The following MAML3 variants were observed in gnomAD, a reference collection of about 807,000 sequenced individuals.
The protein encoded by MAML3 is mastermind-like protein 3.
In MAML3, 27 loss-of-function variants were observed where a neutral mutation model predicts 101.9. That is an observed-to-expected ratio of 0.27 (90% CI 0.20 to 0.37). The LOEUF (loss-of-function observed/expected upper bound fraction) is 0.37, where lower values mean the gene tolerates loss of function less well. Among genes scored for constraint, MAML3 ranks in the 10% least tolerant of loss-of-function variants. MAML3 has a pLI of 1.00. For synonymous variants in MAML3, 501 were observed against 555.9 expected, an observed-to-expected ratio of 0.90 and a Z score of 1.39; for missense variants, 1,316 against 1,444.9, an observed-to-expected ratio of 0.91 and a Z score of 1.45.
chr4:139,957,738 A>T, intron 1 of MAML3, among the ~76,000 whole-genome samples: 1 of 152,172 alleles, frequency 6.6e-6, no homozygotes, highest in East Asian at 1.9e-4. Context: ...AATTATTATG[A>T]TCATTTACTT....
chr4:140,047,682 G>T (rs1306820392), intron 1 of MAML3, among the ~76,000 whole-genome samples: 1 of 151,704 alleles, frequency 6.6e-6, no homozygotes, highest in East Asian at 1.9e-4. Flanking sequence ...TTCTTTGCCC[G>T]CTCTTGGAGC....
At chr4:139,753,290 C>T (rs1267786952) in intron 2 of MAML3, among the ~76,000 whole-genome samples, 1 of 152,166 alleles carries the variant, frequency 6.6e-6, no homozygotes, top group Non-Finnish European at 1.5e-5. Context: ...TAAACAGAAA[C>T]TCTGTACCCA....
chr4:139,987,094 C>G (rs944306575), intron 1 of MAML3, among the ~76,000 whole-genome samples: 21 of 152,162 alleles, frequency 1.4e-4, no homozygotes, highest in African/African-American at 4.6e-4. Flanking sequence ...CCACTGTTCC[C>G]ACTGTAGACC....
chr4:140,122,924 G>C (rs1728631652), intron 1 of MAML3, among the ~76,000 whole-genome samples: 1 of 151,992 alleles, frequency 6.6e-6, no homozygotes, highest in Non-Finnish European at 1.5e-5. Context: ...TAACCTGCTG[G>C]TAAGGTCTGA....
chr4:139,739,679 G>A (rs1579379883), intron 2 of MAML3, among the ~76,000 whole-genome samples: 1 of 132,354 alleles, frequency 7.6e-6, no homozygotes, highest in Admixed American at 7.7e-5. Flanking sequence ...GAGGAAAGCA[G>A]TTTTTTTTTT....
rs897959245 is a variant in MAML3 at position 139,838,590 on chromosome 4, G to C, written c.2079+50767C>G. On this transcript the variant is annotated intron_variant, in intron 2 of 4. Transcript: ENST00000509479. ...AACAAGAGATTCTGAAAGTGTTGCT[G>C]TTCAGGTCCCTGAATCAAAAATTTT... is the stretch of plus-strand genomic sequence containing the variant. Among the ~76,000 whole-genome samples the C allele has an allele frequency of 3.3e-5, 5 of 152,266 alleles. 1 individual carries two copies. In the South Asian group the frequency reaches 1.0e-3, roughly 32 times the overall value.
chr4:140,065,291 T>G (rs922432121), intron 1 of MAML3, among the ~76,000 whole-genome samples: 1 of 152,152 alleles, frequency 6.6e-6, no homozygotes, highest in Non-Finnish European at 1.5e-5. Flanking sequence ...GTTTGCTTTT[T>G]TTTTTTCCCC....
At chr4:139,942,168 G>GGGAA (rs988314887) in intron 1 of MAML3, among the ~76,000 whole-genome samples, 1 of 129,124 alleles carries the variant, frequency 7.7e-6, no homozygotes, top group African/African-American at 3.0e-5. Flanking sequence ...GAGGGAGGGA[G>GGGAA]GGAAGGCAGG....
intron 1 of MAML3, among the ~76,000 whole-genome samples, chr4:139,898,329 A>T (rs938827579): frequency 6.6e-6 from 1 of 152,238 alleles, no homozygotes; most frequent in Non-Finnish European, 1.5e-5. Flanking sequence ...GAGGACTCTA[A>T]GGGTCCAGGG....
chr4:139,887,001 C>G (rs141584647), intron 2 of MAML3, among the ~76,000 whole-genome samples: 16 of 152,270 alleles, frequency 1.1e-4, no homozygotes, highest in African/African-American at 3.9e-4. Flanking sequence ...AAATGTTGAT[C>G]ATGGTCATTG....
chr4:139,990,895 T>C, intron 1 of MAML3, among the ~76,000 whole-genome samples: 1 of 151,978 alleles, frequency 6.6e-6, no homozygotes, highest in Middle Eastern at 3.2e-3. Context: ...TTCAATGAAA[T>C]AAAAGAGGAT....
rs553945684 is a variant in MAML3, at chr4:139,831,161, T to C, written c.2079+58196A>G. ...AATCAATGAGGTCATGGTGAGGAGG[T>C]TTCCAATTACTTGTTGCTAAACCAG... is the stretch of plus-strand genomic sequence containing the variant. On this transcript the variant is annotated intron_variant, in intron 2 of 4. Transcript: ENST00000509479. Among the ~76,000 whole-genome samples, 37 of 152,230 alleles carry C rather than the reference T, an allele frequency of 2.4e-4. No homozygotes were observed. The East Asian group carries it at 6.8e-3, about 28-fold the overall frequency.
chr4:139,889,099 C>T (rs1732406607), intron 2 of MAML3: 1 of 680,884 alleles, frequency 1.5e-6, no homozygotes, highest in Admixed American at 2.0e-5. Context: ...TTATGTAATT[C>T]TTATCTGCAG....
chr4:140,074,223 A>AAG (rs1188223250), intron 1 of MAML3, among the ~76,000 whole-genome samples: 7 of 42,148 alleles, frequency 1.7e-4, no homozygotes, highest in Admixed American at 5.0e-4. Flanking sequence ...GAAAGAAAGA[A>AAG]AGAAAGAAAG....
chr4:139,892,602 CAAA>C (rs58824343), intron 1 of MAML3, among the ~76,000 whole-genome samples: 39,203 of 139,886 alleles, frequency 0.28, 6,474 homozygotes, highest in East Asian at 0.55. Flanking sequence ...CCACATTTTC[CAAA>C]AAAAAAAAAA....
At chr4:139,761,449 C>T (rs1057502755) in intron 2 of MAML3, among the ~76,000 whole-genome samples, 2 of 152,172 alleles carry the variant, frequency 1.3e-5, no homozygotes, top group African/African-American at 4.8e-5. Flanking sequence ...CCTCCCTGCT[C>T]CAACAGCTAC....
At chr4:140,073,923 A>G (rs1463888674) in intron 1 of MAML3, among the ~76,000 whole-genome samples, 2 of 151,748 alleles carry the variant, frequency 1.3e-5, no homozygotes, top group African/African-American at 4.8e-5. Flanking sequence ...CACGAGGTCA[A>G]GAGATCAAGA....
At chr4:140,096,929 A>G (rs1728174917) in intron 1 of MAML3, among the ~76,000 whole-genome samples, 1 of 152,090 alleles carries the variant, frequency 6.6e-6, no homozygotes, top group Admixed American at 6.6e-5. Flanking sequence ...CATTTACTGA[A>G]GTAGATTGCA....
intron 1 of MAML3, among the ~76,000 whole-genome samples, chr4:140,068,096 C>G (rs542311226): frequency 3.3e-5 from 5 of 152,200 alleles, no homozygotes; most frequent in African/African-American, 1.2e-4. Context: ...CCTTGGAAAC[C>G]TTGGAAGTCA....
Sources: allele counts gnomAD v4.1 joint callset (sites outside exome capture counted in the v4.1 genomes callset), GRCh38; gene constraint gnomAD v4.1.1; transcripts MANE v1.5; gene names NCBI Gene and HGNC (gene_info 2026-07-23, HGNC 2026-07-21).